The following PIP4K2A variants were observed in gnomAD, a reference collection of about 807,000 sequenced individuals.
PIP4K2A encodes phosphatidylinositol 5-phosphate 4-kinase type-2 alpha.
PIP4K2A carries 14 observed loss-of-function variants against 42.9 expected under a neutral mutation model. The observed-to-expected ratio is 0.33, with a 90% confidence interval of 0.22 to 0.51. PIP4K2A has a LOEUF of 0.51. Among genes scored for constraint, PIP4K2A ranks in the 20% least tolerant of loss-of-function variants. The pLI is 0.97. For synonymous variants in PIP4K2A, 192 were observed against 192.2 expected (o/e 1.00, Z 0.01); for missense variants, 434 against 519.8 (o/e 0.83, Z 1.61).
At chr10:22,587,765 C>A (rs575972653) in intron 4 of PIP4K2A, among the ~76,000 whole-genome samples, 8 of 152,308 alleles carry the variant, frequency 5.3e-5, no homozygotes, top group African/African-American at 1.7e-4. Flanking sequence ...TGGGAGAGGG[C>A]TAGGCAGCCG....
At chr10:22,595,706 G>T (rs925636769) in intron 3 of PIP4K2A, among the ~76,000 whole-genome samples, 1 of 151,466 alleles carries the variant, frequency 6.6e-6, no homozygotes, top group South Asian at 2.1e-4. Flanking sequence ...GCAATGAGCC[G>T]AGATCACACC....
At chr10:22,644,148 C>T (rs1838834631) in intron 1 of PIP4K2A, among the ~76,000 whole-genome samples, 1 of 152,234 alleles carries the variant, frequency 6.6e-6, no homozygotes, top group African/African-American at 2.4e-5. Flanking sequence ...CTCCCTCTCT[C>T]AGCCAGTGGG....
chr10:22,697,068 T>G (rs535839585), intron 1 of PIP4K2A, among the ~76,000 whole-genome samples: 2 of 152,286 alleles, frequency 1.3e-5, no homozygotes, highest in African/African-American at 4.8e-5. Flanking sequence ...GACCTTTCCT[T>G]TCTTTCTAAG....
rs534477400 is a variant in PIP4K2A at position 22,591,585 on chromosome 10, T to A, written c.492+44A>T. On this transcript the variant is annotated intron_variant, in intron 4 of 9. Transcript: ENST00000376573. The stretch of plus-strand genomic sequence containing the variant: ...GGCCTTGGTGAGAAATCGCTACGCA[T>A]GTTAATCTTCTTGGAGTTTCAAATA... 30 of 1,488,694 alleles carry A rather than the reference T, an allele frequency of 2.0e-5. No homozygotes were observed. In the Admixed American group the frequency reaches 3.7e-4, roughly 18 times the overall value. The allele number at this position is 1,488,694 out of a possible 1,614,324, so 92.2% of individuals were successfully genotyped here.
At chr10:22,616,801 G>A (rs996381015) in intron 1 of PIP4K2A, among the ~76,000 whole-genome samples, 1 of 152,132 alleles carries the variant, frequency 6.6e-6, no homozygotes, top group African/African-American at 2.4e-5. Flanking sequence ...TGGTATAATA[G>A]CACAATGTAA....
chr10:22,694,789 C>T (rs1839937833), intron 1 of PIP4K2A: 2 of 152,164 alleles, frequency 1.3e-5, no homozygotes, highest in Non-Finnish European at 2.9e-5. Context: ...TAAAATACTT[C>T]TCATCTGTTT....
In PIP4K2A at chr10:22,714,431, C is replaced by G; in HGVS notation, c.-105G>C. 2.8e-6 allele frequency: 2 copies of G among 714,198 alleles called. No individual in the cohort carries two copies. The highest frequency in any genetic ancestry group is 1.9e-5 in the African/African-American group (1 of 51,794). 44.2% of individuals were successfully genotyped at this position (714,198 alleles called of 1,614,324 possible). On this transcript the variant is annotated 5_prime_UTR_variant, in exon 1 of 10. Transcript: ENST00000376573. ...AGCCGCATCCCCCCGGCGGCGGCCC[C>G]GGCGCGCCGCGCTCCGCTCCGCCCG...
intron 1 of PIP4K2A, among the ~76,000 whole-genome samples, chr10:22,674,032 G>C (rs1379517629): frequency 6.6e-6 from 1 of 152,192 alleles, no homozygotes; most frequent in Non-Finnish European, 1.5e-5. Context: ...AGCAATGTGT[G>C]TGTGTTTTTT....
chr10:22,624,127 CTA>C (rs1389688069), intron 1 of PIP4K2A, among the ~76,000 whole-genome samples: 3 of 152,244 alleles, frequency 2.0e-5, no homozygotes, highest in African/African-American at 7.2e-5. Context: ...GTTTTCTTCA[CTA>C]TGTTTAACAT....
chr10:22,702,599 G>C (rs928821934), intron 1 of PIP4K2A, among the ~76,000 whole-genome samples: 10 of 152,138 alleles, frequency 6.6e-5, no homozygotes, highest in Admixed American at 5.2e-4. Context: ...TTTGGCACTG[G>C]CTTGCAGTTA....
At chr10:22,684,930 C>T (rs139474010) in intron 1 of PIP4K2A, among the ~76,000 whole-genome samples, 1,711 of 152,222 alleles carry the variant, frequency 0.011, 20 homozygotes, top group South Asian at 0.046. Flanking sequence ...CTGACCATTT[C>T]GGCAAGTGTC....
chr10:22,622,913 A>G (rs1322492023), intron 1 of PIP4K2A, among the ~76,000 whole-genome samples: 1 of 152,240 alleles, frequency 6.6e-6, no homozygotes, highest in Non-Finnish European at 1.5e-5. Context: ...AGTATGCATT[A>G]TTTCAAAAAA....
chr10:22,693,494 A>G (rs537105682), intron 1 of PIP4K2A, among the ~76,000 whole-genome samples: 4 of 152,336 alleles, frequency 2.6e-5, no homozygotes, highest in Non-Finnish European at 5.9e-5. Flanking sequence ...TGTTTCAGTA[A>G]TAGCTAGACA....
At chr10:22,689,455 T>G (rs1427170482) in intron 1 of PIP4K2A, among the ~76,000 whole-genome samples, 1 of 152,218 alleles carries the variant, frequency 6.6e-6, no homozygotes, top group Non-Finnish European at 1.5e-5. Flanking sequence ...AGACTTTTTT[T>G]CGTGCCATTA....
rs77818262 is a variant in PIP4K2A at position 22,584,187 on chromosome 10, G to A, written c.492+7442C>T. On this transcript the variant is annotated intron_variant, in intron 4 of 9. Coordinates refer to ENST00000376573, the MANE Select transcript of PIP4K2A (RefSeq NM_005028.5). ...TCAGGAGTAAGTTTTGAATAGTTAC[G>A]TACAAAACGTGTAAAGAAACAAAGG... Among the ~76,000 whole-genome samples the A allele has an allele frequency of 1.6e-4, 24 of 152,188 alleles. No homozygotes were observed. The East Asian group carries it at 3.7e-3, about 23-fold the overall frequency.
chr10:22,667,942 GAGACAGAGAGAGAGACAGACAGAA>G (rs1839381223), intron 1 of PIP4K2A, among the ~76,000 whole-genome samples: 1 of 61,408 alleles, frequency 1.6e-5, no homozygotes, highest in Non-Finnish European at 4.2e-5. Context: ...GGGAGACAGA[GAGACAGAGAGAGAGACAGACAGAA>G]AGACAGACAG....
chr10:22,618,362 T>C (rs1838226048), intron 1 of PIP4K2A, among the ~76,000 whole-genome samples: 1 of 152,184 alleles, frequency 6.6e-6, no homozygotes, highest in South Asian at 2.1e-4. Context: ...CTGAGGTTCA[T>C]TCGCTTTAAG....
chr10:22,620,316 T>C (rs1482731443), intron 1 of PIP4K2A, among the ~76,000 whole-genome samples: 1 of 152,198 alleles, frequency 6.6e-6, no homozygotes, highest in Non-Finnish European at 1.5e-5. Flanking sequence ...GGTACAGAGG[T>C]AATACTGGCT....
chr10:22,582,464 CGA>C (rs1837301531), intron 4 of PIP4K2A, among the ~76,000 whole-genome samples: 1 of 152,144 alleles, frequency 6.6e-6, no homozygotes, highest in Non-Finnish European at 1.5e-5. Context: ...TATCTCCGCA[CGA>C]TAGTGTGAAC....
Sources: gnomAD v4.1 joint callset for allele counts (sites outside exome capture counted in the v4.1 genomes callset) on GRCh38, gnomAD v4.1.1 for gene constraint, MANE v1.5 for transcripts, NCBI Gene and HGNC (gene_info 2026-07-23, HGNC 2026-07-21) for gene names.